IL15: variants seen among roughly 807,000 people sequenced by gnomAD.
IL15 encodes the protein interleukin-15.
In IL15, 11 loss-of-function variants were observed where a neutral mutation model predicts 19.6. That is an observed-to-expected ratio of 0.56 (90% CI 0.35 to 0.93). The LOEUF (loss-of-function observed/expected upper bound fraction) is 0.93. Ranked by LOEUF, IL15 falls within the 40% of genes least tolerant of loss-of-function variation. IL15 has a pLI of 0.01. For synonymous variants in IL15, 58 were observed against 59.6 expected (o/e 0.97, Z 0.12); for missense variants, 197 against 186.5 (o/e 1.06, Z -0.33).
At chr4:141,677,858 C>T (rs906881037) in intron 2 of IL15, among the ~76,000 whole-genome samples, 8 of 152,256 alleles carry the variant, frequency 5.3e-5, no homozygotes, top group African/African-American at 1.4e-4. Flanking sequence ...AGGAGTGATA[C>T]GTTGTCACAT....
At chr4:141,660,499 C>T (rs1285743437) in intron 2 of IL15, among the ~76,000 whole-genome samples, 1 of 152,124 alleles carries the variant, frequency 6.6e-6, no homozygotes, top group African/African-American at 2.4e-5. Context: ...GTGAAAACTA[C>T]AGAAAAGTTT....
chr4:141,704,209 G>A (rs1246451155), intron 2 of IL15, among the ~76,000 whole-genome samples: 1 of 152,136 alleles, frequency 6.6e-6, no homozygotes, highest in Non-Finnish European at 1.5e-5. Context: ...ATGACCTACT[G>A]AGATACATTC....
intron 1 of IL15, among the ~76,000 whole-genome samples, chr4:141,653,127 C>T (rs891861313): frequency 6.6e-6 from 1 of 152,006 alleles, no homozygotes; most frequent in African/African-American, 2.4e-5. Flanking sequence ...TAAAGAGGCA[C>T]CACTGGAAAA....
chr4:141,641,039 C>T (rs1397439322), intron 1 of IL15, among the ~76,000 whole-genome samples: 1 of 152,116 alleles, frequency 6.6e-6, no homozygotes, highest in Non-Finnish European at 1.5e-5. Flanking sequence ...CTGAATGCTA[C>T]TTCTCCTTCC....
At chr4:141,732,670 C>T in intron 7 of IL15, 68 bp from the exon 8 acceptor site, 2 of 1,573,042 alleles carry the variant, frequency 1.3e-6, no homozygotes, top group Non-Finnish European at 1.7e-6. Flanking sequence ...TATGATATTC[C>T]CATTCCCATG....
intron 1 of IL15, among the ~76,000 whole-genome samples, chr4:141,649,617 G>T (rs566907975): frequency 6.6e-6 from 1 of 152,212 alleles, no homozygotes; most frequent in Admixed American, 6.6e-5. Context: ...GGAGAGCTCA[G>T]AAAAGTTGCC....
intron 2 of IL15, among the ~76,000 whole-genome samples, chr4:141,680,016 A>G (rs547566953): frequency 1.6e-4 from 24 of 152,356 alleles, no homozygotes; most frequent in Non-Finnish European, 2.9e-4. Context: ...TCATGTTGTC[A>G]TTCAGTACGT....
chr4:141,724,819 A>G (rs1168247541), intron 5 of IL15, among the ~76,000 whole-genome samples: 1 of 152,138 alleles, frequency 6.6e-6, no homozygotes, highest in Non-Finnish European at 1.5e-5. Context: ...CAAGCTCCCA[A>G]AAAGGGACCT....
chr4:141,659,827 AGT>A (rs1309278331), intron 2 of IL15, among the ~76,000 whole-genome samples: 2 of 152,114 alleles, frequency 1.3e-5, no homozygotes, highest in African/African-American at 4.8e-5. Flanking sequence ...TCATAAGAAG[AGT>A]GTCGTGTGCC....
chr4:141,721,234 C>A, intron 4 of IL15: 1 of 757,518 alleles, frequency 1.3e-6, no homozygotes, highest in South Asian at 1.4e-5. Context: ...GTGTAAGATC[C>A]ATCAGGAAGT....
chr4:141,720,460 A>G lies in IL15; in HGVS notation c.13-9A>G. The G allele has an allele frequency of 1.4e-6, 2 of 1,439,748 alleles. No individual in the cohort carries two copies. Among genetic ancestry groups the G allele is most frequent in the Non-Finnish European group, 2.0e-6 (2 of 1,025,226 alleles). The allele number at this position is 1,439,748 out of a possible 1,614,324, so 89.2% of individuals were successfully genotyped here. On this transcript the variant is annotated splice_polypyrimidine_tract_variant and intron_variant, in intron 3 of 7. Transcript: ENST00000320650. ...AATTTAACCATTTGTCTATGATTAT[A>G]TTTTTCAGAAACCACATTTGAGAAG...
At chr4:141,697,185 T>C (rs1382566332) in intron 2 of IL15, among the ~76,000 whole-genome samples, 1 of 152,156 alleles carries the variant, frequency 6.6e-6, no homozygotes, top group South Asian at 2.1e-4. Context: ...TTGATTTTTG[T>C]ATAAGGCGAG....
chr4:141,652,610 A>G (rs759881202), intron 1 of IL15, among the ~76,000 whole-genome samples: 16 of 152,238 alleles, frequency 1.1e-4, no homozygotes, highest in Non-Finnish European at 2.1e-4. Flanking sequence ...CACGTGATAC[A>G]TTTCATGTGA....
At chr4:141,727,493 G>C (rs1395391104) in intron 5 of IL15, among the ~76,000 whole-genome samples, 1 of 152,084 alleles carries the variant, frequency 6.6e-6, no homozygotes, top group Admixed American at 6.6e-5. Context: ...GTGATGATGA[G>C]GTATGTATGG....
chr4:141,661,726 G>A (rs1226069341), intron 2 of IL15, among the ~76,000 whole-genome samples: 2 of 152,126 alleles, frequency 1.3e-5, no homozygotes, highest in South Asian at 4.1e-4. Flanking sequence ...GTGTACCGCT[G>A]TGCACTTAGA....
intron 2 of IL15, among the ~76,000 whole-genome samples, chr4:141,667,194 A>G (rs761415403): frequency 6.6e-6 from 1 of 152,196 alleles, no homozygotes; most frequent in Non-Finnish European, 1.5e-5. Flanking sequence ...ATCCTTTATA[A>G]TAAAGTTGTA....
intron 1 of IL15, among the ~76,000 whole-genome samples, chr4:141,655,492 G>A (rs559449281): frequency 3.3e-4 from 50 of 151,730 alleles, no homozygotes; most frequent in Non-Finnish European, 6.2e-4. Context: ...AGCTTCATGC[G>A]GATTCTTGGA....
chr4:141,642,689 T>A (rs1380439884), intron 1 of IL15, among the ~76,000 whole-genome samples: 2 of 152,212 alleles, frequency 1.3e-5, no homozygotes, highest in African/African-American at 4.8e-5. Context: ...CCATTCTTTG[T>A]CAGCCTTCAT....
chr4:141,732,854 A>T lies in IL15; in HGVS notation c.*6A>T. ...TGTTCATCAACACTTCTTGATTGCA[A>T]TTGATTCTTTTTAAAGTGTTTCTGT... is the stretch of plus-strand genomic sequence containing the variant. On this transcript the variant is annotated 3_prime_UTR_variant, in exon 8 of 8. Transcript: ENST00000320650. 6.2e-7 allele frequency: 1 copy of T among 1,605,058 alleles called. No individual in the cohort carries two copies. Among genetic ancestry groups the T allele is most frequent in the Non-Finnish European group, 8.5e-7 (1 of 1,177,544 alleles).
Sources: allele counts gnomAD v4.1 joint callset (sites outside exome capture counted in the v4.1 genomes callset), GRCh38; gene constraint gnomAD v4.1.1; transcripts MANE v1.5; gene names NCBI Gene and HGNC (gene_info 2026-07-23, HGNC 2026-07-21).